The following PKD1 variants were observed in gnomAD, a reference collection of about 807,000 sequenced individuals.
PKD1 encodes the protein polycystin-1.
PKD1 carries 81 observed loss-of-function variants against 361.7 expected under a neutral mutation model. The ratio of observed to expected loss-of-function variants is 0.22; its 90% CI spans 0.19 to 0.27. The LOEUF (loss-of-function observed/expected upper bound fraction) is 0.27, where lower values mean the gene tolerates loss of function less well. PKD1 is among the 10% of genes least tolerant of loss of function. The pLI, the probability that PKD1 is intolerant of heterozygous loss-of-function variation, is 1.00. For missense variants in PKD1, 6,399 were observed against 6,118.3 expected (o/e 1.05, Z -1.53); for synonymous variants, 3,615 against 2,818.3 (o/e 1.28, Z -8.95).
chr16:2,104,753 A>G (rs1255029161), intron 21 of PKD1, 111 bp from the exon 22 acceptor site: 1 of 772,718 alleles, frequency 1.3e-6, no homozygotes, highest in African/African-American at 1.8e-5. Flanking sequence ...GCAGCTGGAG[A>G]GCCCACTTGA....
In PKD1 at chr16:2,090,674, C is replaced by G. The variant is rs762641368; in HGVS notation, c.12138G>C (p.Leu4046=). Residue 4046 remains leucine (L), a splice_region_variant and synonymous_variant, in exon 44 of 46, where the codon CTG becomes CTC. Coordinates refer to ENST00000262304, the MANE Select transcript of PKD1 (RefSeq NM_001009944.3). ...CCTCCCCGGCCGCGCAGTCACCTAC[C>G]AGGATGGCCAGCTGGGCGTAGGCTA... The part of the protein sequence containing the change: ...LGVAYAQLAI[L]LVSSCVDSLW... The G allele has an allele frequency of 6.2e-7, 1 of 1,612,042 alleles. No individual in the cohort carries two copies. The highest frequency in any genetic ancestry group is 1.1e-5 in the South Asian group (1 of 91,082).
chr16:2,131,804 C>A (rs1489947486), intron 1 of PKD1: 1 of 152,030 alleles, frequency 6.6e-6, no homozygotes, highest in Non-Finnish European at 1.5e-5. Flanking sequence ...GCCTGGGTGA[C>A]AGAGCCAGAC....
At chr16:2,121,949 A>C (rs1182354545) in intron 1 of PKD1, among the ~76,000 whole-genome samples, 4 of 151,650 alleles carry the variant, frequency 2.6e-5, no homozygotes, top group African/African-American at 7.3e-5. Flanking sequence ...ATCCCTGAAC[A>C]CCCGCCCAGC....
rs1195860655 is a variant in PKD1, at chr16:2,111,251, G to C, written c.3916C>G (p.Pro1306Ala). 3 of 1,610,252 alleles carry C rather than the reference G, an allele frequency of 1.9e-6. No homozygotes were observed. The highest frequency in any genetic ancestry group is 2.5e-6 in the Non-Finnish European group (3 of 1,179,608). Residue 1306 changes from proline to alanine, a missense_variant, in exon 15 of 46, where the codon CCC (proline) becomes GCC (alanine). Coordinates refer to ENST00000262304, the MANE Select transcript of PKD1 (RefSeq NM_001009944.3). Reference protein sequence around the residue: ...VLRVEPAACIPTQPDARLTAY... With the variant: ...VLRVEPAACIATQPDARLTAY... ...GTGAGCCGCGCGTCAGGCTGCGTGG[G>C]GATGCAGGCGGCGGGTTCAACGCGC...
intron 39 of PKD1, 119 bp from the exon 40 acceptor site, chr16:2,092,307 C>T: frequency 1.1e-5 from 13 of 1,174,966 alleles, no homozygotes; most frequent in Non-Finnish European, 1.6e-5. Context: ...ACCCTCCCAG[C>T]AGCCATCAAT....
rs1490043027 is a variant in PKD1, at chr16:2,105,392, G to A, written c.7946C>T (p.Thr2649Ile). 4.4e-6 allele frequency: 7 copies of A among 1,586,492 alleles called. No homozygotes were observed. Among genetic ancestry groups the A allele is most frequent in the Middle Eastern group, 4.5e-4 (2 of 4,396 alleles). Residue 2649 changes from threonine to isoleucine, a missense_variant, in exon 21 of 46, where the codon ACT becomes ATT. Thr to Ile is a moderately conservative substitution (Grantham distance 89). Transcript: ENST00000262304. ...RAQIRKNITE[T>I]LVSLRVHTVD... ...AGTGTGGACCCTCAGGGACACCAGA[G>A]TCTCCGTGATGTTCTTGCGTATCTG...
At chr16:2,093,405 G>T in intron 37 of PKD1, 139 bp downstream of exon 37, 1 of 856,636 alleles carries the variant, frequency 1.2e-6, no homozygotes, top group Non-Finnish European at 1.8e-6. Context: ...GAGGGAGACC[G>T]GGCAAAGGCT....
At chr16:2,116,355 G>A (rs961401886) in intron 8 of PKD1, among the ~76,000 whole-genome samples, 174 bp downstream of exon 8, 23 of 152,214 alleles carry the variant, frequency 1.5e-4, no homozygotes, top group African/African-American at 2.2e-4. Flanking sequence ...AGGCCTGGAG[G>A]TAATGTGAGT....
intron 8 of PKD1, 25 bp downstream of exon 8, chr16:2,116,504 T>C (rs758748158): frequency 2.8e-5 from 36 of 1,289,778 alleles, no homozygotes; most frequent in Admixed American, 3.9e-5. Context: ...GGAGGGCAGG[T>C]TGTAGAACGT....
chr16:2,120,228 A>T (rs537069345), intron 1 of PKD1: 10 of 230,868 alleles, frequency 4.3e-5, no homozygotes, highest in African/African-American at 2.0e-4. Flanking sequence ...AAATAAATAC[A>T]TACATAATTA....
rs752440626 is a variant in PKD1 at position 2,109,923 on chromosome 16, G to A, written c.5244C>T (p.Val1748=). 4.5e-5 allele frequency: 72 copies of A among 1,610,376 alleles called. No individual in the cohort carries two copies. The highest frequency in any genetic ancestry group is 1.3e-4 in the South Asian group (12 of 90,968). ...CCTCCTCCAAGGACCAAGTGTATAC[G>A]ACACCACTGCCACCAGCCAGCTCGG... ...LSAELAGGSG[V]VYTWSLEEGL... Residue 1748 remains valine (V), a synonymous_variant, in exon 15 of 46, where the codon GTC becomes GTT. Coordinates refer to ENST00000262304, the MANE Select transcript of PKD1 (RefSeq NM_001009944.3).
chr16:2,122,586 G>A (rs138426813), intron 1 of PKD1, among the ~76,000 whole-genome samples: 28 of 152,354 alleles, frequency 1.8e-4, no homozygotes, highest in African/African-American at 6.3e-4. Context: ...TGGGAGACCA[G>A]CAAGAGGCCA....
In PKD1 at chr16:2,114,757, C is replaced by T. The variant is rs763021570; in HGVS notation, c.2266G>A (p.Ala756Thr). 1.8e-4 allele frequency: 261 copies of T among 1,461,146 alleles called. No individual in the cohort carries two copies. The African/African-American group carries it at 3.3e-3, about 19-fold the overall frequency. The allele number at this position is 1,461,146 out of a possible 1,614,324, so 90.5% of individuals were successfully genotyped here. A position where few individuals can be genotyped will look rare whatever the true frequency, so the allele number is the denominator to read the frequency against. The change falls in exon 11 of 46, where the codon GCC becomes ACC. Residue 756 changes from alanine (A) to threonine (T), a missense_variant. Coordinates refer to ENST00000262304, the MANE Select transcript of PKD1 (RefSeq NM_001009944.3). ...CAGGCCCAAGTGCCCTCCAGCTGGG[C>T]TGGCAAGTGGGGCAGCCATGACGAG... Reference protein sequence around the residue: ...NASSWLPHLPAQLEGTWACPA... With the variant: ...NASSWLPHLPTQLEGTWACPA...
intron 16 of PKD1, 107 bp from the exon 17 acceptor site, chr16:2,107,055 C>T: frequency 2.9e-6 from 3 of 1,049,010 alleles, no homozygotes; most frequent in Admixed American, 1.8e-5. Context: ...TCCCAGGGGC[C>T]TGGCCACTGC....
chr16:2,110,472 G>C lies in PKD1; in HGVS notation c.4695C>G (p.Ser1565Arg). ...CCTCCAGCGACGTGCTGAAGCTCAC[G>C]CTCCCATTCAGGGGCACCACCGTGC... ...ASRTVVPLNG[S>R]VSFSTSLEAG... is the part of the protein sequence containing the mutation. Residue 1565 changes from serine (S) to arginine (R), a missense_variant, in exon 15 of 46, where the codon AGC (serine) becomes AGG (arginine). Coordinates refer to ENST00000262304, the MANE Select transcript of PKD1 (RefSeq NM_001009944.3). 1 of 1,612,430 alleles carries C rather than the reference G, an allele frequency of 6.2e-7. No homozygotes were observed.
chr16:2,091,329 G>GAGGGCGGGGCC lies in PKD1; in HGVS notation c.11712+93_11712+94insGGCCCCGCCCT, dbSNP rs1390009839. The GAGGGCGGGGCC allele has an allele frequency of 1.9e-4, 73 of 391,950 alleles. 1 individual carries two copies. The Admixed American group carries it at 2.4e-3, about 13-fold the overall frequency. The allele number at this position is 391,950 out of a possible 1,614,324, so 24.3% of individuals were successfully genotyped here. A position where few individuals can be genotyped will look rare whatever the true frequency, so the allele number is the denominator to read the frequency against. On this transcript the variant is annotated intron_variant, in intron 42 of 45. Transcript: ENST00000262304. ...GCGGGACGCTGCGAGGGGGCGGGGC[G>GAGGGCGGGGCC]CTGCGAGGGGTGAGACGCTGCCGGG...
chr16:2,098,674 C>T (rs1182228334), intron 30 of PKD1, among the ~76,000 whole-genome samples: 1 of 143,776 alleles, frequency 7.0e-6, no homozygotes, highest in Non-Finnish European at 1.5e-5. Flanking sequence ...GTGTGCATTC[C>T]TAAGGGGTGC....
intron 6 of PKD1, 69 bp downstream of exon 6, chr16:2,117,420 C>T (rs987451486): frequency 2.5e-6 from 3 of 1,218,804 alleles, no homozygotes; most frequent in South Asian, 1.5e-5. Flanking sequence ...GACTCCCCAG[C>T]CGCAGGCTCT....
At position 2,109,252 on chromosome 16, in the gene PKD1, C is replaced by T; in HGVS notation, c.5915G>A (p.Ser1972Asn). ...GCAGCAGTTGGGCACCTGCAGCCCACTCACGGCCTCCAGCACCACGATGCG... is the reference window on the plus strand; with the variant it reads ...GCAGCAGTTGGGCACCTGCAGCCCATTCACGGCCTCCAGCACCACGATGCG... ...QVRIVVLEAV[S>N]GLQVPNCCEP... Residue 1972 changes from serine to asparagine, a missense_variant, in exon 15 of 46, where the codon AGT becomes AAT. Coordinates refer to ENST00000262304, the MANE Select transcript of PKD1 (RefSeq NM_001009944.3). 6.3e-7 allele frequency: 1 copy of T among 1,586,568 alleles called. No individual in the cohort carries two copies. The highest frequency in any genetic ancestry group is 8.6e-7 in the Non-Finnish European group (1 of 1,166,356).
Sources: gnomAD v4.1 joint callset for allele counts (sites outside exome capture counted in the v4.1 genomes callset) on GRCh38, gnomAD v4.1.1 for gene constraint, MANE v1.5 for transcripts, NCBI Gene and HGNC (gene_info 2026-07-23, HGNC 2026-07-21) for gene names.